The following SS18 variants were observed in gnomAD, a reference collection of about 807,000 sequenced individuals.
SS18 encodes protein SSXT.
SS18 carries 28 observed loss-of-function variants against 72.5 expected under a neutral mutation model. The ratio of observed to expected loss-of-function variants is 0.39; its 90% CI spans 0.29 to 0.53. SS18 has a LOEUF of 0.53. Among genes scored for constraint, SS18 ranks in the 20% least tolerant of loss-of-function variants. The probability of loss-of-function intolerance (pLI) is 0.76; values close to 1 mark genes in which losing one functional copy is unlikely to be tolerated. For missense variants in SS18, 518 were observed against 535.3 expected, an observed-to-expected ratio of 0.97 and a Z score of 0.32; for synonymous variants, 172 against 164.2, an observed-to-expected ratio of 1.05 and a Z score of -0.37.
At chr18:26,040,481 G>A (rs1011577830) in intron 5 of SS18, among the ~76,000 whole-genome samples, 6 of 152,070 alleles carry the variant, frequency 3.9e-5, no homozygotes, top group African/African-American at 1.4e-4. Flanking sequence ...GTGACATGGA[G>A]AAAATTTAAG....
At chr18:26,048,176 T>A (rs956732515) in intron 5 of SS18, among the ~76,000 whole-genome samples, 1 of 152,242 alleles carries the variant, frequency 6.6e-6, no homozygotes, top group Non-Finnish European at 1.5e-5. Flanking sequence ...TGTGGCCTCA[T>A]GCAACCTTTA....
intron 10 of SS18, among the ~76,000 whole-genome samples, chr18:26,031,426 C>T (rs745970959): frequency 2.0e-5 from 3 of 152,162 alleles, no homozygotes; most frequent in Non-Finnish European, 2.9e-5. Context: ...AAAGCCTAAA[C>T]TGCATATTAA....
chr18:26,062,648 C>T lies in SS18; in HGVS notation c.232-4906G>A, dbSNP rs532891251. On this transcript the variant is annotated intron_variant, in intron 3 of 10. Coordinates refer to ENST00000415083, the MANE Select transcript of SS18 (RefSeq NM_001007559.3). ...ACACAACTATATTCTGTGTACAACA[C>T]AACTACTTTAAAGTCAAGGGAACAG... Among the ~76,000 whole-genome samples, 25 of 152,064 alleles carry T rather than the reference C, an allele frequency of 1.6e-4. No individual in the cohort carries two copies. The East Asian group carries it at 1.7e-3, about 11-fold the overall frequency.
chr18:26,033,923 C>T (rs1174290800), intron 9 of SS18, among the ~76,000 whole-genome samples: 2 of 151,838 alleles, frequency 1.3e-5, no homozygotes, highest in African/African-American at 4.8e-5. Flanking sequence ...GCAATAAAAC[C>T]AGAATATTGT....
At chr18:26,039,486 ATT>A (rs772530250) in intron 5 of SS18, 30 bp from the exon 6 acceptor site, 4 of 1,554,100 alleles carry the variant, frequency 2.6e-6, no homozygotes, top group Non-Finnish European at 2.6e-6. Flanking sequence ...TATACACATA[ATT>A]TTTTGTATAT....
chr18:26,052,948 A>G, intron 4 of SS18, 103 bp from the exon 5 acceptor site: 2 of 845,834 alleles, frequency 2.4e-6, no homozygotes, highest in East Asian at 2.5e-5. Flanking sequence ...TAGTAATACC[A>G]AACAATAATT....
intron 2 of SS18, chr18:26,082,503 C>T (rs1165982700): frequency 1.0e-6 from 1 of 985,006 alleles, no homozygotes; most frequent in Non-Finnish European, 1.2e-6. Flanking sequence ...GAAATTTATG[C>T]AACTCTGGAA....
intron 5 of SS18, among the ~76,000 whole-genome samples, chr18:26,046,818 G>A (rs900358901): frequency 6.6e-6 from 1 of 152,210 alleles, no homozygotes; most frequent in African/African-American, 2.4e-5. Context: ...TGCATGAACT[G>A]ACAGATGCAC....
At chr18:26,056,112 G>C (rs573322443) in intron 4 of SS18, among the ~76,000 whole-genome samples, 1 of 152,204 alleles carries the variant, frequency 6.6e-6, no homozygotes, top group South Asian at 2.1e-4. Context: ...AACAACCCAG[G>C]TCATAAGTGG....
intron 10 of SS18, chr18:26,023,666 G>T (rs74675197): frequency 3.8e-6 from 2 of 521,470 alleles, no homozygotes; most frequent in Non-Finnish European, 7.4e-6. Context: ...CAAAAATAAA[G>T]GCAAAATAAA....
At position 26,048,797 on chromosome 18, in the gene SS18, A is replaced by T. The variant is rs1342797325; in HGVS notation, c.607+3827T>A. Among the ~76,000 whole-genome samples the T allele has an allele frequency of 3.3e-5, 5 of 152,354 alleles. No individual in the cohort carries two copies. In the East Asian group the frequency reaches 7.7e-4, roughly 23 times the overall value. ...AATCAACACTTTCTTAATACTATTA[A>T]AACACCCAGAAATAAATTAGATGCT... On this transcript the variant is annotated intron_variant, in intron 5 of 10. Transcript: ENST00000415083.
rs2053611223 is a variant in SS18 at position 26,035,464 on chromosome 18, C to G, written c.974-337G>C. ...AGACAGCTACAAGAGCACACACTAGCTACACGAGATCAGCAAGCTGTTTCC... is the reference window on the plus strand; with the variant it reads ...AGACAGCTACAAGAGCACACACTAGGTACACGAGATCAGCAAGCTGTTTCC... On this transcript the variant is annotated intron_variant, in intron 8 of 10. Transcript: ENST00000415083. The surrounding 1 kb of genome is among the most constrained non-coding windows in gnomAD (Gnocchi z 4.4). 6.7e-6 allele frequency: 2 copies of G among 296,922 alleles called. No homozygotes were observed. The highest frequency in any genetic ancestry group is 1.3e-5 in the Non-Finnish European group (2 of 158,942). The allele number at this position is 296,922 out of a possible 1,614,324, so 18.4% of individuals were successfully genotyped here. A position where few individuals can be genotyped will look rare whatever the true frequency, so the allele number is the denominator to read the frequency against.
chr18:26,067,421 A>G (rs965345694), intron 3 of SS18, among the ~76,000 whole-genome samples: 1 of 152,204 alleles, frequency 6.6e-6, no homozygotes, highest in Non-Finnish European at 1.5e-5. Context: ...CCCTTTTTAC[A>G]GCAGGGAACA....
chr18:26,042,411 A>C (rs1039351158), intron 5 of SS18, among the ~76,000 whole-genome samples: 2 of 152,194 alleles, frequency 1.3e-5, no homozygotes, highest in Non-Finnish European at 2.9e-5. Context: ...TTAATTACCT[A>C]GAATATATTT....
At chr18:26,085,324 C>T (rs909831424) in intron 2 of SS18, among the ~76,000 whole-genome samples, 1 of 152,146 alleles carries the variant, frequency 6.6e-6, no homozygotes, top group Non-Finnish European at 1.5e-5. Flanking sequence ...CATGAACCAT[C>T]GTGCCTGGCC....
intron 5 of SS18, among the ~76,000 whole-genome samples, chr18:26,051,895 GCT>G (rs1389318889): frequency 2.0e-5 from 3 of 152,018 alleles, no homozygotes; most frequent in African/African-American, 7.2e-5. Flanking sequence ...ACATTTTAGT[GCT>G]CTGTTTATTT....
intron 3 of SS18, among the ~76,000 whole-genome samples, chr18:26,072,470 A>G (rs966996646): frequency 2.0e-5 from 3 of 152,190 alleles, no homozygotes; most frequent in Non-Finnish European, 2.9e-5. Context: ...AGCTATGCTA[A>G]TATCAGATAA....
intron 4 of SS18, among the ~76,000 whole-genome samples, chr18:26,054,752 TTTTTTGAGACGGAGTCTCA>T (rs2053986687): frequency 6.6e-6 from 1 of 151,992 alleles, no homozygotes; most frequent in Non-Finnish European, 1.5e-5. Flanking sequence ...TCTTTTTTTT[TTTTTTGAGACGGAGTCTCA>T]TTCTTGTTGC....
At chr18:26,043,678 T>C (rs972484521) in intron 5 of SS18, among the ~76,000 whole-genome samples, 1 of 152,166 alleles carries the variant, frequency 6.6e-6, no homozygotes, top group Admixed American at 6.6e-5. Context: ...ATAAGATGTT[T>C]AGATACAATA....
Sources: allele counts gnomAD v4.1 joint callset (sites outside exome capture counted in the v4.1 genomes callset), GRCh38; gene constraint gnomAD v4.1.1; non-coding constraint Gnocchi (gnomAD v3.1); transcripts MANE v1.5; gene names NCBI Gene and HGNC (gene_info 2026-07-23, HGNC 2026-07-21).